PHLDB2: variants seen among roughly 807,000 people sequenced by gnomAD.
PHLDB2 encodes pleckstrin homology like domain family B member 2.
A neutral mutation model predicts 123.6 loss-of-function variants in PHLDB2; 71 were observed. That is an observed-to-expected ratio of 0.57 (90% confidence interval 0.47 to 0.70). PHLDB2 has a LOEUF of 0.70. PHLDB2 is among the 30% of genes least tolerant of loss of function. The probability of loss-of-function intolerance (pLI) is 0.00; values close to 1 mark genes in which losing one functional copy is unlikely to be tolerated. For missense variants in PHLDB2, 1,446 were observed against 1,519.5 expected (o/e 0.95, Z 0.80); for synonymous variants, 547 against 541.6 (o/e 1.01, Z -0.14).
intron 2 of PHLDB2, among the ~76,000 whole-genome samples, chr3:111,910,367 G>A (rs1223822584): frequency 6.6e-6 from 1 of 152,208 alleles, no homozygotes; most frequent in African/African-American, 2.4e-5. Flanking sequence ...ATTAAGGTAT[G>A]TAGGCTCTGT....
At chr3:111,918,669 G>A (rs2068316984) in intron 3 of PHLDB2, among the ~76,000 whole-genome samples, 1 of 152,218 alleles carries the variant, frequency 6.6e-6, no homozygotes, top group Admixed American at 6.5e-5. Context: ...AATAACCATA[G>A]CATCATGCCC....
rs569164225 is a variant in PHLDB2, at chr3:111,891,556, A to G, written c.1335+6144A>G. Among the ~76,000 whole-genome samples the G allele has an allele frequency of 6.6e-5, 10 of 152,112 alleles. No homozygotes were observed. In the South Asian group the frequency reaches 1.2e-3, roughly 19 times the overall value. ...CTGATTCTACATTATGATGAGTTATATAATTATTTCATTACACATTACAGT... is the reference window on the plus strand; with the variant it reads ...CTGATTCTACATTATGATGAGTTATGTAATTATTTCATTACACATTACAGT... On this transcript the variant is annotated intron_variant, in intron 2 of 17. Transcript: ENST00000431670.
intron 1 of PHLDB2, among the ~76,000 whole-genome samples, chr3:111,843,337 G>A (rs1205598341): frequency 1.3e-5 from 2 of 152,176 alleles, no homozygotes; most frequent in Non-Finnish European, 2.9e-5. Context: ...TTCCCAAATG[G>A]CTAAAGATGT....
At chr3:111,895,914 A>T (rs2066835387) in intron 2 of PHLDB2, among the ~76,000 whole-genome samples, 1 of 151,160 alleles carries the variant, frequency 6.6e-6, no homozygotes, top group Admixed American at 6.6e-5. Context: ...ATGGAGATAC[A>T]TTAAGTGAAG....
chr3:111,931,417 A>G (rs1403562830), intron 5 of PHLDB2, among the ~76,000 whole-genome samples: 1 of 152,202 alleles, frequency 6.6e-6, no homozygotes, highest in Non-Finnish European at 1.5e-5. Context: ...TTTGCCTATT[A>G]AATCCTAGAG....
At chr3:111,827,592 T>A (rs1309071298) in intron 1 of PHLDB2, among the ~76,000 whole-genome samples, 1 of 147,356 alleles carries the variant, frequency 6.8e-6, no homozygotes, top group Non-Finnish European at 1.5e-5. Context: ...GAGAATGGCG[T>A]CAACCCGGGA....
Position 111,973,733 on chromosome 3 carries a change from C to T in PHLDB2, c.3537C>T (p.Asp1179=). The change falls in exon 17 of 18, where the codon GAC becomes GAT. Residue 1179 remains aspartate, a splice_region_variant and synonymous_variant. Transcript: ENST00000431670. The part of the protein sequence containing the change: ...RNKRTFSYYA[D]KHETKLKGVI... ...TTTAACACTTATCTGTCTTTGCAGA[C>T]AAGCATGAAACTAAATTGAAAGGAG... is the stretch of plus-strand genomic sequence containing the variant. 6.3e-7 allele frequency: 1 copy of T among 1,587,578 alleles called. No homozygotes were observed. Among genetic ancestry groups the T allele is most frequent in the South Asian group, 1.1e-5 (1 of 87,450 alleles).
chr3:111,780,456 C>A (rs2060426388), intron 1 of PHLDB2, among the ~76,000 whole-genome samples: 1 of 150,572 alleles, frequency 6.6e-6, no homozygotes, highest in African/African-American at 2.5e-5. Flanking sequence ...GCCTTGCTTT[C>A]TTTTCCATTA....
chr3:111,782,701 G>T (rs2060526803), intron 1 of PHLDB2, among the ~76,000 whole-genome samples: 1 of 152,020 alleles, frequency 6.6e-6, no homozygotes, highest in Non-Finnish European at 1.5e-5. Flanking sequence ...TACTTATCAG[G>T]CACAGCTTAG....
At chr3:111,756,830 T>G (rs2107992534) in intron 1 of PHLDB2, among the ~76,000 whole-genome samples, 1 of 152,172 alleles carries the variant, frequency 6.6e-6, no homozygotes, top group East Asian at 1.9e-4. Context: ...AGGAGCTCTT[T>G]TAGGGCAGGC....
At chr3:111,754,678 T>C (rs1171517612) in intron 1 of PHLDB2, among the ~76,000 whole-genome samples, 6 of 145,862 alleles carry the variant, frequency 4.1e-5, no homozygotes, top group East Asian at 4.0e-4. Context: ...CCAGAACTTC[T>C]AACACTATGT....
intron 1 of PHLDB2, among the ~76,000 whole-genome samples, chr3:111,764,220 A>G (rs1190015418): frequency 6.6e-6 from 1 of 152,180 alleles, no homozygotes; most frequent in Non-Finnish European, 1.5e-5. Context: ...GAAGTTCTCA[A>G]CTGTTGGTCA....
chr3:111,947,222 G>A (rs747608140), intron 9 of PHLDB2, among the ~76,000 whole-genome samples: 38 of 152,160 alleles, frequency 2.5e-4, no homozygotes, highest in Admixed American at 3.9e-4. Flanking sequence ...CCTAATAGAA[G>A]AATGAAGTCT....
intron 15 of PHLDB2, among the ~76,000 whole-genome samples, chr3:111,968,399 C>T (rs1268355795): frequency 6.6e-6 from 1 of 152,178 alleles, no homozygotes; most frequent in Non-Finnish European, 1.5e-5. Context: ...TTGTTGTATT[C>T]AAGCAAAGTT....
chr3:111,751,621 G>C (rs10934106), intron 1 of PHLDB2, among the ~76,000 whole-genome samples: 74,494 of 146,936 alleles, frequency 0.51, 19,149 homozygotes, highest in African/African-American at 0.63. Flanking sequence ...TTGTGGATTG[G>C]GTAACAAGAC....
intron 1 of PHLDB2, among the ~76,000 whole-genome samples, chr3:111,872,309 GAAACCCA>G (rs1445848514): frequency 1.3e-5 from 2 of 152,106 alleles, no homozygotes; most frequent in East Asian, 3.9e-4. Flanking sequence ...AAATATACAG[GAAACCCA>G]AAACAAACAC....
intron 1 of PHLDB2, among the ~76,000 whole-genome samples, chr3:111,783,662 G>A (rs1234321823): frequency 2.0e-5 from 3 of 152,046 alleles, no homozygotes; most frequent in Non-Finnish European, 4.4e-5. Context: ...TTGTATTCCC[G>A]AGACAGAAAA....
chr3:111,932,978 A>G (rs2107575270), intron 6 of PHLDB2, among the ~76,000 whole-genome samples: 1 of 152,360 alleles, frequency 6.6e-6, no homozygotes, highest in Admixed American at 6.5e-5. Flanking sequence ...ATAATTTCTA[A>G]GAACTTAATG....
intron 1 of PHLDB2, among the ~76,000 whole-genome samples, chr3:111,864,180 C>A (rs1272460555): frequency 6.6e-6 from 1 of 152,044 alleles, no homozygotes; most frequent in Admixed American, 6.6e-5. Flanking sequence ...AGGGATCTGC[C>A]CCCCCGCAGG....
Sources: gnomAD v4.1 joint callset for allele counts (sites outside exome capture counted in the v4.1 genomes callset) on GRCh38, gnomAD v4.1.1 for gene constraint, MANE v1.5 for transcripts, NCBI Gene and HGNC (gene_info 2026-07-23, HGNC 2026-07-21) for gene names.